Variants in ANKRD28 observed in about 807,000 individuals in gnomAD.
ANKRD28 encodes ankyrin repeat domain 28.
ANKRD28 carries 44 observed loss-of-function variants against 126.5 expected under a neutral mutation model. That is an observed-to-expected ratio of 0.35 (90% CI 0.27 to 0.45). The LOEUF (loss-of-function observed/expected upper bound fraction) is 0.45, where lower values mean the gene tolerates loss of function less well. Among genes scored for constraint, ANKRD28 ranks in the 20% least tolerant of loss-of-function variants. The pLI, the probability that ANKRD28 is intolerant of heterozygous loss-of-function variation, is 1.00. For synonymous variants in ANKRD28, 442 were observed against 468.5 expected, an observed-to-expected ratio of 0.94 and a Z score of 0.73; for missense variants, 1,110 against 1,316.6, an observed-to-expected ratio of 0.84 and a Z score of 2.43.
chr3:15,850,129 A>G (rs965203338), intron 1 of ANKRD28, among the ~76,000 whole-genome samples: 1 of 149,560 alleles, frequency 6.7e-6, no homozygotes, highest in African/African-American at 2.5e-5. Context: ...AGACAATTCA[A>G]TGGGGGAAAG....
chr3:15,700,871 G>A, intron 14 of ANKRD28, among the ~76,000 whole-genome samples: 1 of 152,078 alleles, frequency 6.6e-6, no homozygotes, highest in East Asian at 1.9e-4. Flanking sequence ...GTGATCTTGG[G>A]CCATAAAAGT....
intron 1 of ANKRD28, among the ~76,000 whole-genome samples, chr3:15,827,119 G>A (rs781574677): frequency 3.9e-5 from 6 of 152,142 alleles, no homozygotes; most frequent in Admixed American, 6.5e-5. Flanking sequence ...AGAAAGGTAA[G>A]TGCTGGCAAA....
chr3:15,842,717 T>C (rs1575808004), intron 1 of ANKRD28, among the ~76,000 whole-genome samples: 1 of 152,128 alleles, frequency 6.6e-6, no homozygotes, highest in Non-Finnish European at 1.5e-5. Context: ...ACACCTACTG[T>C]GTACCCACAA....
intron 21 of ANKRD28, among the ~76,000 whole-genome samples, chr3:15,683,429 C>A (rs1417889214): frequency 2.6e-5 from 4 of 152,166 alleles, no homozygotes; most frequent in African/African-American, 9.7e-5. Context: ...CTTCACTACA[C>A]TCATTTCTAC....
chr3:15,791,461 A>C (rs942319929), intron 2 of ANKRD28, among the ~76,000 whole-genome samples: 10 of 151,752 alleles, frequency 6.6e-5, no homozygotes, highest in Non-Finnish European at 1.2e-4. Flanking sequence ...ACCAAATCCA[A>C]ACACCTACAG....
upstream of ANKRD28, chr3:15,798,268 G>A: frequency 1.6e-6 from 1 of 627,514 alleles, no homozygotes; most frequent in Middle Eastern, 8.2e-4. Flanking sequence ...TATAATGACA[G>A]TTGCAGTAAG....
intron 1 of ANKRD28, among the ~76,000 whole-genome samples, chr3:15,805,673 A>G (rs2060561734): frequency 6.6e-6 from 1 of 152,200 alleles, no homozygotes; most frequent in Non-Finnish European, 1.5e-5. Context: ...GATTGAGGAA[A>G]GATTATGTGC....
At chr3:15,826,124 T>C (rs2061060436) in intron 1 of ANKRD28, among the ~76,000 whole-genome samples, 1 of 152,186 alleles carries the variant, frequency 6.6e-6, no homozygotes, top group Admixed American at 6.5e-5. Flanking sequence ...AGATACACAT[T>C]ATACTAGAAT....
intron 10 of ANKRD28, among the ~76,000 whole-genome samples, chr3:15,712,485 C>T (rs941770822): frequency 6.6e-6 from 1 of 152,312 alleles, no homozygotes; most frequent in African/African-American, 2.4e-5. Context: ...TCTGTGCATA[C>T]AGGCTTACAG....
intron 1 of ANKRD28, among the ~76,000 whole-genome samples, chr3:15,857,645 G>A (rs2061803398): frequency 6.6e-6 from 1 of 152,158 alleles, no homozygotes; most frequent in Non-Finnish European, 1.5e-5. Flanking sequence ...CATAAGACTG[G>A]AGTGGCATCA....
chr3:15,742,128 G>T (rs977297515), intron 4 of ANKRD28, among the ~76,000 whole-genome samples: 2 of 152,216 alleles, frequency 1.3e-5, no homozygotes, highest in South Asian at 4.1e-4. Flanking sequence ...CTCCCAAAGT[G>T]CCAAGATTAC....
At chr3:15,806,774 G>A (rs1031526567) in intron 1 of ANKRD28, among the ~76,000 whole-genome samples, 6 of 152,142 alleles carry the variant, frequency 3.9e-5, no homozygotes, top group Admixed American at 1.3e-4. Flanking sequence ...CGCCCACCTC[G>A]GACTCCCAAA....
chr3:15,677,168 C>T (rs764092703), intron 25 of ANKRD28, 112 bp from the exon 26 acceptor site: 16 of 833,670 alleles, frequency 1.9e-5, no homozygotes, highest in Non-Finnish European at 2.7e-5. Context: ...CATACATATA[C>T]CATGAATTTT....
At chr3:15,819,451 A>C (rs1378610893) in intron 1 of ANKRD28, among the ~76,000 whole-genome samples, 4 of 152,194 alleles carry the variant, frequency 2.6e-5, no homozygotes, top group African/African-American at 9.6e-5. Context: ...CAACAAATCA[A>C]CCTGAAACAA....
chr3:15,852,143 T>A (rs1216031328), intron 1 of ANKRD28, among the ~76,000 whole-genome samples: 1 of 151,998 alleles, frequency 6.6e-6, no homozygotes, highest in South Asian at 2.1e-4. Context: ...TGCACAGTTT[T>A]GTGAATATAT....
rs560598260 is a variant in ANKRD28 at position 15,716,154 on chromosome 3, TG to T, written c.997-1499del. Reference sequence around the variant, plus strand: ...TGCACCACCATGCCCAGCTAATTTTTGTATTTTAGTAGAGATGGGGTTTCAC... The same window carrying T: ...TGCACCACCATGCCCAGCTAATTTTTTATTTTAGTAGAGATGGGGTTTCAC... On this transcript the variant is annotated intron_variant, in intron 8 of 27. Transcript: ENST00000683139. 1.8e-4 allele frequency among the ~76,000 whole-genome samples: 28 copies of T among 151,898 alleles called. 1 individual carries two copies. Among genetic ancestry groups the T allele is most frequent in the South Asian group, 2.1e-4 (1 of 4,820 alleles).
intron 14 of ANKRD28, among the ~76,000 whole-genome samples, chr3:15,699,696 C>T (rs577976895): frequency 9.2e-5 from 14 of 152,266 alleles, no homozygotes; most frequent in African/African-American, 2.4e-4. Flanking sequence ...CACTATCTCA[C>T]GCCAGTTAGA....
chr3:15,820,174 T>G (rs1197240731), intron 1 of ANKRD28, among the ~76,000 whole-genome samples: 1 of 152,228 alleles, frequency 6.6e-6, no homozygotes, highest in African/African-American at 2.4e-5. Flanking sequence ...CAACTTGTTA[T>G]GCACCCACTT....
At chr3:15,688,155 T>C (rs925842938) in intron 18 of ANKRD28, among the ~76,000 whole-genome samples, 2 of 152,264 alleles carry the variant, frequency 1.3e-5, no homozygotes, top group Admixed American at 6.5e-5. Context: ...AATATTTACC[T>C]ATTGAGAGTG....
Sources: gnomAD v4.1 joint callset for allele counts (sites outside exome capture counted in the v4.1 genomes callset) on GRCh38, gnomAD v4.1.1 for gene constraint, MANE v1.5 for transcripts, NCBI Gene and HGNC (gene_info 2026-07-23, HGNC 2026-07-21) for gene names.